Variants in BRIP1 observed in about 807,000 individuals in gnomAD.
BRIP1 encodes BRCA1 interacting DNA helicase 1.
Under a neutral mutation model 119.7 loss-of-function variants are expected in BRIP1, and 88 were observed. That is an observed-to-expected ratio of 0.74 (90% confidence interval 0.62 to 0.88). BRIP1 has a LOEUF of 0.88. Among genes scored for constraint, BRIP1 ranks in the 40% least tolerant of loss-of-function variants. The probability of loss-of-function intolerance (pLI) is 0.00; values close to 1 mark genes in which losing one functional copy is unlikely to be tolerated. For missense variants in BRIP1, 1,259 were observed against 1,455.4 expected (o/e 0.87, Z 2.20); for synonymous variants, 443 against 496.5 (o/e 0.89, Z 1.43).
Position 61,733,343 on chromosome 17 carries a change from C to G in BRIP1, c.2379+9670G>C, listed in dbSNP as rs182942352. Among the ~76,000 whole-genome samples the G allele has an allele frequency of 1.3e-3, 201 of 152,232 alleles. 1 individual carries two copies. Among genetic ancestry groups the G allele is most frequent in the Middle Eastern group, 3.4e-3 (1 of 294 alleles). On this transcript the variant is annotated intron_variant, in intron 16 of 19. Coordinates refer to ENST00000259008, the MANE Select transcript of BRIP1 (RefSeq NM_032043.3). ...GACCAGCCTGGGCAATATAGTGAGA[C>G]TCTGTCTCAAAAAAAATTTTTTTTT... is the stretch of plus-strand genomic sequence containing the variant.
rs922443214 is a variant in BRIP1 at position 61,796,446 on chromosome 17, G to C, written c.1340+2654C>G. Among the ~76,000 whole-genome samples, 1 of 152,018 alleles carries C rather than the reference G, an allele frequency of 6.6e-6. No individual in the cohort carries two copies. Among genetic ancestry groups the C allele is most frequent in the African/African-American group, 2.4e-5 (1 of 41,424 alleles). On this transcript the variant is annotated intron_variant, in intron 9 of 19. Transcript: ENST00000259008. The surrounding 1 kb of genome is among the most constrained non-coding windows in gnomAD (Gnocchi z 4.8). ...TGATTTTTGTTAATGGTGAAAGATA[G>C]GGGTCTTGTTTTATTCTCCTGTAGA...
chr17:61,850,065 C>T (rs1272698101), intron 4 of BRIP1, among the ~76,000 whole-genome samples: 2 of 152,072 alleles, frequency 1.3e-5, no homozygotes, highest in African/African-American at 4.8e-5. Context: ...TCTCTCCACT[C>T]CCATGGCTTG....
chr17:61,697,193 C>T (rs1323657451), intron 17 of BRIP1, among the ~76,000 whole-genome samples: 1 of 150,194 alleles, frequency 6.7e-6, no homozygotes, highest in African/African-American at 2.4e-5. Context: ...AAAATGCAGC[C>T]GGGCATGGTG....
chr17:61,727,089 TG>T (rs1286083471), intron 16 of BRIP1, among the ~76,000 whole-genome samples: 1 of 152,190 alleles, frequency 6.6e-6, no homozygotes, highest in Non-Finnish European at 1.5e-5. Flanking sequence ...GACTCAGTAA[TG>T]GTGCATTCAG....
chr17:61,785,292 G>A (rs532172913), intron 10 of BRIP1, among the ~76,000 whole-genome samples: 51 of 152,112 alleles, frequency 3.4e-4, no homozygotes, highest in Non-Finnish European at 6.8e-4. Context: ...TGGTTCTTTG[G>A]TCTTTACATG....
At chr17:61,792,255 A>G (rs954076663) in intron 10 of BRIP1, among the ~76,000 whole-genome samples, 1 of 152,208 alleles carries the variant, frequency 6.6e-6, no homozygotes, top group Admixed American at 6.5e-5. Context: ...AGTTACAGCC[A>G]CTTTTGAAGA....
At chr17:61,850,713 A>G (rs1471335941) in intron 4 of BRIP1, among the ~76,000 whole-genome samples, 2 of 151,860 alleles carry the variant, frequency 1.3e-5, no homozygotes, top group Admixed American at 6.6e-5. Context: ...CTATAATCCC[A>G]GCTACTCGGG....
At position 61,753,214 on chromosome 17, in the gene BRIP1, A is replaced by T. The variant is rs2144774758; in HGVS notation, c.2098-8623T>A. The stretch of plus-strand genomic sequence containing the variant: ...CAGCAAGAAGGCCCGCACCAGATGC[A>T]GCCTCTCAGTCTTGAACTTCTCAGC... On this transcript the variant is annotated intron_variant, in intron 14 of 19. Transcript: ENST00000259008. The surrounding 1 kb of genome is among the most constrained non-coding windows in gnomAD (Gnocchi z 4.6). Among the ~76,000 whole-genome samples the T allele has an allele frequency of 6.6e-6, 1 of 152,298 alleles. No individual in the cohort carries two copies. The highest frequency in any genetic ancestry group is 3.4e-3 in the Middle Eastern group (1 of 294).
Position 61,794,532 on chromosome 17 carries a change from G to A in BRIP1, c.1341-803C>T, listed in dbSNP as rs1035461558. Among the ~76,000 whole-genome samples the A allele has an allele frequency of 5.9e-5, 9 of 151,840 alleles. No individual in the cohort carries two copies. The highest frequency in any genetic ancestry group is 1.7e-4 in the African/African-American group (7 of 41,336). On this transcript the variant is annotated intron_variant, in intron 9 of 19. Coordinates refer to ENST00000259008, the MANE Select transcript of BRIP1 (RefSeq NM_032043.3). This position sits in a 1 kb window ranked among gnomAD's most constrained non-coding sequence, Gnocchi z 4.3. ...GGAACAGCACATACTGGGGCCTATC[G>A]GATGGTGTAGCGTTGGAGACGGGAA...
At position 61,744,389 on chromosome 17, in the gene BRIP1, T is replaced by C. The variant is rs777041725; in HGVS notation, c.2257+43A>G. On this transcript the variant is annotated intron_variant, in intron 15 of 19. Coordinates refer to ENST00000259008, the MANE Select transcript of BRIP1 (RefSeq NM_032043.3). This position sits in a 1 kb window ranked among gnomAD's most constrained non-coding sequence, Gnocchi z 5.0. ...ATAATTGTACCTTCTTACTTTGTAA[T>C]AAAAAATATTTTTTCACCGACCATG... is the stretch of plus-strand genomic sequence containing the variant. The C allele has an allele frequency of 1.9e-6, 3 of 1,586,316 alleles. No homozygotes were observed. Among genetic ancestry groups the C allele is most frequent in the South Asian group, 2.2e-5 (2 of 90,148 alleles).
chr17:61,744,334 TAA>T lies in BRIP1; in HGVS notation c.2257+96_2257+97del. The stretch of plus-strand genomic sequence containing the variant: ...TCACTCAGGATTATAATTTTTCTCT[TAA>T]GTGTAATTCATCTAAAAATATAAAA... On this transcript the variant is annotated intron_variant, in intron 15 of 19. Transcript: ENST00000259008. The surrounding 1 kb of genome is among the most constrained non-coding windows in gnomAD (Gnocchi z 5.0). 7.6e-7 allele frequency: 1 copy of T among 1,308,952 alleles called. No homozygotes were observed. The highest frequency in any genetic ancestry group is 1.1e-6 in the Non-Finnish European group (1 of 933,826). 81.1% of individuals were successfully genotyped at this position (1,308,952 alleles called of 1,614,324 possible). A position where few individuals can be genotyped will look rare whatever the true frequency, so the allele number is the denominator to read the frequency against.
Position 61,806,417 on chromosome 17 carries a change from C to G in BRIP1, c.918+2050G>C, listed in dbSNP as rs987406675. Among the ~76,000 whole-genome samples the G allele has an allele frequency of 6.6e-6, 1 of 151,992 alleles. No homozygotes were observed. The highest frequency in any genetic ancestry group is 2.4e-5 in the African/African-American group (1 of 41,364). ...TGAGGCAGAATTAGGTCAAGACAAA[C>G]CACAAGCAGATATCTTCAATTATTC... On this transcript the variant is annotated intron_variant, in intron 7 of 19. Transcript: ENST00000259008. This position sits in a 1 kb window ranked among gnomAD's most constrained non-coding sequence, Gnocchi z 4.9.
rs962330306 is a variant in BRIP1, at chr17:61,828,954, C to G, written c.627+18147G>C. 6.6e-6 allele frequency among the ~76,000 whole-genome samples: 1 copy of G among 151,908 alleles called. No homozygotes were observed. The highest frequency in any genetic ancestry group is 1.5e-5 in the Non-Finnish European group (1 of 67,972). On this transcript the variant is annotated intron_variant, in intron 6 of 19. Coordinates refer to ENST00000259008, the MANE Select transcript of BRIP1 (RefSeq NM_032043.3). This position sits in a 1 kb window ranked among gnomAD's most constrained non-coding sequence, Gnocchi z 4.1. ...GTTTAAGATGCAAAGTATGAAGCAACTCACAAAAATAAAACTAAGAGGTAT... is the reference window on the plus strand; with the variant it reads ...GTTTAAGATGCAAAGTATGAAGCAAGTCACAAAAATAAAACTAAGAGGTAT...
chr17:61,813,200 G>A (rs1456073296), intron 6 of BRIP1, among the ~76,000 whole-genome samples: 1 of 151,700 alleles, frequency 6.6e-6, no homozygotes, highest in Non-Finnish European at 1.5e-5. Flanking sequence ...GAGAAAAAGA[G>A]AATGAAGAGA....
At chr17:61,847,025 CCT>C in intron 6 of BRIP1, 74 bp downstream of exon 6, 1 of 1,563,614 alleles carries the variant, frequency 6.4e-7, no homozygotes, top group Non-Finnish European at 8.8e-7. Context: ...TACTATTGTT[CCT>C]CTTTTGTCAA....
chr17:61,746,358 G>A lies in BRIP1; in HGVS notation c.2098-1767C>T, dbSNP rs993749827. 9.9e-5 allele frequency among the ~76,000 whole-genome samples: 15 copies of A among 151,964 alleles called. No homozygotes were observed. Among genetic ancestry groups the A allele is most frequent in the East Asian group, 1.9e-4 (1 of 5,172 alleles). On this transcript the variant is annotated intron_variant, in intron 14 of 19. Coordinates refer to ENST00000259008, the MANE Select transcript of BRIP1 (RefSeq NM_032043.3). This position sits in a 1 kb window ranked among gnomAD's most constrained non-coding sequence, Gnocchi z 4.9. Reference sequence around the variant, plus strand: ...AATGATAATAATGTCTTTCCCTATCGGTCATTACTTTAAATGTAAATGGAT... The same window carrying A: ...AATGATAATAATGTCTTTCCCTATCAGTCATTACTTTAAATGTAAATGGAT...
In BRIP1 at chr17:61,699,960, C is replaced by T. The variant is rs2061587924; in HGVS notation, c.2493-6448G>A. 1.3e-5 allele frequency among the ~76,000 whole-genome samples: 2 copies of T among 152,138 alleles called. No individual in the cohort carries two copies. Among genetic ancestry groups the T allele is most frequent in the South Asian group, 2.1e-4 (1 of 4,828 alleles). On this transcript the variant is annotated intron_variant, in intron 17 of 19. Coordinates refer to ENST00000259008, the MANE Select transcript of BRIP1 (RefSeq NM_032043.3). This position sits in a 1 kb window ranked among gnomAD's most constrained non-coding sequence, Gnocchi z 4.8. ...CGGGGAAGTGTGTCCTGTGTAACTG[C>T]ACTGGGAGAGGACACTTGGAAGCTT...
In BRIP1 at chr17:61,862,926, T is replaced by C. The variant is rs940809223; in HGVS notation, c.-31+358A>G. Among the ~76,000 whole-genome samples the C allele has an allele frequency of 6.6e-6, 1 of 152,178 alleles. No individual in the cohort carries two copies. The highest frequency in any genetic ancestry group is 1.5e-5 in the Non-Finnish European group (1 of 68,038). ...TATGGTGGAATCTAACCTCTTAATA[T>C]GAATCAACAACTCAACGCTGGCCTA... On this transcript the variant is annotated intron_variant, in intron 1 of 19. Transcript: ENST00000259008. This position sits in a 1 kb window ranked among gnomAD's most constrained non-coding sequence, Gnocchi z 5.3.
intron 14 of BRIP1, among the ~76,000 whole-genome samples, chr17:61,765,412 TATATATA>T (rs1244299446): frequency 1.6e-3 from 28 of 17,538 alleles, no homozygotes; most frequent in African/African-American, 4.6e-3. Flanking sequence ...TATATATATA[TATATATA>T]TATATTTTTT....
Sources: gnomAD v4.1 joint callset for allele counts (sites outside exome capture counted in the v4.1 genomes callset) on GRCh38, gnomAD v4.1.1 for gene constraint, Gnocchi (gnomAD v3.1) non-coding constraint, MANE v1.5 for transcripts, NCBI Gene and HGNC (gene_info 2026-07-23, HGNC 2026-07-21) for gene names.